PTPN4: variants seen among roughly 807,000 people sequenced by gnomAD.
PTPN4 encodes the protein tyrosine-protein phosphatase non-receptor type 4.
A neutral mutation model predicts 135.5 loss-of-function variants in PTPN4; 49 were observed. The observed-to-expected ratio is 0.36, with a 90% CI of 0.29 to 0.46. PTPN4 has a LOEUF of 0.46. Among genes scored for constraint, PTPN4 ranks in the 20% least tolerant of loss-of-function variants. PTPN4 has a pLI of 1.00. For synonymous variants in PTPN4, 333 were observed against 369.9 expected (o/e 0.90, Z 1.14); for missense variants, 860 against 1,101.0 (o/e 0.78, Z 3.10).
chr2:119,877,587 T>C (rs773826508), intron 5 of PTPN4, 45 bp downstream of exon 5: 288 of 1,547,394 alleles, frequency 1.9e-4, no homozygotes, highest in Non-Finnish European at 2.2e-4. Flanking sequence ...GTCAAAACTC[T>C]AATATGAAAT....
chr2:119,818,515 A>G (rs114872688), intron 2 of PTPN4, among the ~76,000 whole-genome samples: 3,167 of 152,266 alleles, frequency 0.021, 60 homozygotes, highest in Non-Finnish European at 0.033. Flanking sequence ...GCCTCAAGCA[A>G]TCCTCCTACC....
chr2:119,903,017 A>T (rs933519000), intron 10 of PTPN4, among the ~76,000 whole-genome samples: 3 of 152,116 alleles, frequency 2.0e-5, no homozygotes, highest in African/African-American at 7.2e-5. Flanking sequence ...ACAACCCTCC[A>T]TGTCCACACA....
chr2:119,970,170 C>T (rs1033926137), intron 26 of PTPN4, among the ~76,000 whole-genome samples: 5 of 152,112 alleles, frequency 3.3e-5, no homozygotes, highest in African/African-American at 1.2e-4. Context: ...AGCGATTCTC[C>T]TGCCTCAGCC....
intron 15 of PTPN4, among the ~76,000 whole-genome samples, chr2:119,937,626 G>A (rs917034811): frequency 6.6e-6 from 1 of 152,158 alleles, no homozygotes; most frequent in South Asian, 2.1e-4. Flanking sequence ...TCAGTGGACT[G>A]AAATAAATTG....
intron 10 of PTPN4, among the ~76,000 whole-genome samples, chr2:119,905,272 C>T (rs1374421733): frequency 1.3e-5 from 2 of 152,048 alleles, no homozygotes; most frequent in South Asian, 2.1e-4. Context: ...GTAAAAAGCA[C>T]AATAGACTAA....
rs1335921631 is a variant in PTPN4, at chr2:119,843,742, C to CG, written c.139-18787dup. On this transcript the variant is annotated intron_variant, in intron 2 of 26. Transcript: ENST00000263708. ...CTCCCGGACGGGGTGGCTGGCCGGGCGGGGGGGCTGACTCCCCCCACCTCC... is the reference window on the plus strand; with the variant it reads ...CTCCCGGACGGGGTGGCTGGCCGGGCGGGGGGGGCTGACTCCCCCCACCTCC... Among the ~76,000 whole-genome samples the CG allele has an allele frequency of 2.2e-4, 11 of 50,078 alleles. 1 individual carries two copies. Among genetic ancestry groups the CG allele is most frequent in the East Asian group, 1.1e-3 (2 of 1,784 alleles). 32.9% of individuals were successfully genotyped at this position (50,078 alleles called of 152,430 possible).
chr2:119,848,381 G>T (rs1325995386), intron 2 of PTPN4, among the ~76,000 whole-genome samples: 1 of 151,908 alleles, frequency 6.6e-6, no homozygotes, highest in Non-Finnish European at 1.5e-5. Flanking sequence ...CACCGTGTTA[G>T]CCAGGATGGT....
Position 119,938,095 on chromosome 2 carries a change from G to A in PTPN4, c.1355+3137G>A, listed in dbSNP as rs868364548. Among the ~76,000 whole-genome samples the A allele has an allele frequency of 1.6e-4, 24 of 149,576 alleles. 1 individual carries two copies. Among genetic ancestry groups the A allele is most frequent in the Middle Eastern group, 7.0e-3 (2 of 286 alleles). On this transcript the variant is annotated intron_variant, in intron 15 of 26. Transcript: ENST00000263708. ...TCTCTTAACAACCGAAAGTTAACAC[G>A]AATAGTACTTTTTTTTAAATGTGGG...
chr2:119,972,612 G>A (rs1291738621), intron 26 of PTPN4, among the ~76,000 whole-genome samples: 1 of 152,046 alleles, frequency 6.6e-6, no homozygotes, highest in Non-Finnish European at 1.5e-5. Context: ...TAGAAGTGAT[G>A]AGACCAGAAC....
At chr2:119,914,762 G>A (rs1444198171) in intron 10 of PTPN4, among the ~76,000 whole-genome samples, 2 of 152,002 alleles carry the variant, frequency 1.3e-5, no homozygotes, top group Non-Finnish European at 2.9e-5. Context: ...GCATTATGTG[G>A]GTTGCGTTTA....
intron 2 of PTPN4, among the ~76,000 whole-genome samples, chr2:119,860,551 G>C (rs1183083429): frequency 6.6e-6 from 1 of 151,854 alleles, no homozygotes; most frequent in East Asian, 1.9e-4. Context: ...TTGTGCCTCT[G>C]TACTTTCCAT....
intron 5 of PTPN4, among the ~76,000 whole-genome samples, chr2:119,878,918 C>A (rs1406750873): frequency 6.6e-6 from 1 of 151,258 alleles, no homozygotes; most frequent in Non-Finnish European, 1.5e-5. Context: ...ACGGTGAAAC[C>A]CCATCTCTAC....
chr2:119,857,360 G>A (rs574095510), intron 2 of PTPN4, among the ~76,000 whole-genome samples: 5 of 152,020 alleles, frequency 3.3e-5, no homozygotes, highest in African/African-American at 7.2e-5. Flanking sequence ...GTGAAACCCC[G>A]TCTCTACTAA....
At chr2:119,947,958 T>A (rs1353644879) in intron 18 of PTPN4, among the ~76,000 whole-genome samples, 3 of 152,110 alleles carry the variant, frequency 2.0e-5, no homozygotes, top group African/African-American at 7.2e-5. Flanking sequence ...TATAAACTCC[T>A]GGGATGTAAA....
At chr2:119,791,165 T>C (rs1691138577) in intron 1 of PTPN4, 1 of 150,266 alleles carries the variant, frequency 6.7e-6, no homozygotes, top group Non-Finnish European at 1.5e-5. Flanking sequence ...AGTCTTGCTG[T>C]GTCGTCTGGG....
rs201921444 is a variant in PTPN4, at chr2:119,798,168, C to CT, written c.-17-11654dup. On this transcript the variant is annotated intron_variant, in intron 1 of 26. Coordinates refer to ENST00000263708, the MANE Select transcript of PTPN4 (RefSeq NM_002830.4). ...ATATATACCAATTTTACTGCAACAT[C>CT]TTTTTTTTTTTTTTTGAGACGGAGT... is the stretch of plus-strand genomic sequence containing the variant. Among the ~76,000 whole-genome samples, 290 of 142,182 alleles carry CT rather than the reference C, an allele frequency of 2.0e-3. 1 individual carries two copies. Among genetic ancestry groups the CT allele is most frequent in the South Asian group, 0.016 (70 of 4,456 alleles). 93.3% of individuals were successfully genotyped at this position (142,182 alleles called of 152,430 possible).
At chr2:119,850,324 A>G (rs917777970) in intron 2 of PTPN4, among the ~76,000 whole-genome samples, 1 of 152,170 alleles carries the variant, frequency 6.6e-6, no homozygotes, top group African/African-American at 2.4e-5. Context: ...GCCTCTCCCT[A>G]CATGGAATTT....
intron 1 of PTPN4, among the ~76,000 whole-genome samples, chr2:119,767,938 G>A (rs556169316): frequency 2.2e-4 from 34 of 152,198 alleles, no homozygotes; most frequent in African/African-American, 7.7e-4. Flanking sequence ...AAGATATCTG[G>A]GAGTGTGTCA....
rs1284495848 is a variant in PTPN4, at chr2:119,920,226, C to A, written c.986C>A (p.Ser329Ter). 6.2e-7 allele frequency: 1 copy of A among 1,610,148 alleles called. No individual in the cohort carries two copies. Among genetic ancestry groups the A allele is most frequent in the Non-Finnish European group, 8.5e-7 (1 of 1,177,984 alleles). Reference protein sequence around the residue: ...NFFAHYFTLGSKFRYCGRTEV... With the variant: ...NFFAHYFTLG ...TTTGCACATTATTTTACATTAGGTT[C>A]AAAATTCCGGTACTGGTAAGTATTG... The change falls in exon 12 of 27, where the codon TCA (serine) becomes TAA (stop). Residue 329 changes from serine to a stop codon, truncating the protein, a stop_gained. Coordinates refer to ENST00000263708, the MANE Select transcript of PTPN4 (RefSeq NM_002830.4). LOFTEE classifies it high-confidence loss of function.
Sources: gnomAD v4.1 joint callset for allele counts (sites outside exome capture counted in the v4.1 genomes callset) on GRCh38, gnomAD v4.1.1 for gene constraint, MANE v1.5 for transcripts, NCBI Gene and HGNC (gene_info 2026-07-23, HGNC 2026-07-21) for gene names.